Variants in NAP1L1 observed in about 807,000 individuals in gnomAD.
NAP1L1 encodes nucleosome assembly protein 1-like 1.
Under a neutral mutation model 58.9 loss-of-function variants are expected in NAP1L1, and 9 were observed. The observed-to-expected ratio is 0.15, with a 90% CI of 0.09 to 0.27. The LOEUF (loss-of-function observed/expected upper bound fraction) is 0.27, where lower values mean the gene tolerates loss of function less well. Among genes scored for constraint, NAP1L1 ranks in the 10% least tolerant of loss-of-function variants. The pLI, the probability that NAP1L1 is intolerant of heterozygous loss-of-function variation, is 1.00. For missense variants in NAP1L1, 302 were observed against 458.8 expected (o/e 0.66, Z 3.12); for synonymous variants, 130 against 138.3 (o/e 0.94, Z 0.42).
At chr12:76,078,982 CAT>C (rs200623760) in intron 1 of NAP1L1, among the ~76,000 whole-genome samples, 4 of 150,078 alleles carry the variant, frequency 2.7e-5, no homozygotes, top group Non-Finnish European at 2.9e-5. Context: ...ATAAAGAATC[CAT>C]ATATATATAT....
chr12:76,067,333 T>C lies in NAP1L1; in HGVS notation c.206+38A>G, dbSNP rs376676812. On this transcript the variant is annotated intron_variant, in intron 4 of 14. Transcript: ENST00000618691. ...AAAATAGATACGCCTGCAACGTTGA[T>C]TATAGAAAGATAAATAAGGACTATG... is the stretch of plus-strand genomic sequence containing the variant. 2.0e-6 allele frequency: 3 copies of C among 1,484,934 alleles called. No individual in the cohort carries two copies. In the African/African-American group the frequency reaches 4.2e-5, roughly 21 times the overall value. The allele number at this position is 1,484,934 out of a possible 1,614,324, so 92.0% of individuals were successfully genotyped here. A position where few individuals can be genotyped will look rare whatever the true frequency, so the allele number is the denominator to read the frequency against.
Position 76,039,368 on chromosome 12 carries a change from A to G in NAP1L1, c.*9061T>C, listed in dbSNP as rs1469488552. The G allele has an allele frequency of 1.3e-5, 2 of 152,312 alleles. No homozygotes were observed. The highest frequency in any genetic ancestry group is 4.8e-5 in the African/African-American group (2 of 41,462). 9.4% of individuals were successfully genotyped at this position (152,312 alleles called of 1,614,324 possible). A position where few individuals can be genotyped will look rare whatever the true frequency, so the allele number is the denominator to read the frequency against. On this transcript the variant is annotated 3_prime_UTR_variant, in exon 15 of 15. Coordinates refer to ENST00000618691, the MANE Select transcript of NAP1L1 (RefSeq NM_004537.7). Reference sequence around the variant, plus strand: ...CCACTTGATAATAAACCAACTTGCCAAAGACAAAAAGTAGAATGAAAGTCT... The same window carrying G: ...CCACTTGATAATAAACCAACTTGCCGAAGACAAAAAGTAGAATGAAAGTCT...
rs1335235422 is a variant in NAP1L1 at position 76,046,990 on chromosome 12, C to T, written c.*1439G>A. ...TTGGACCTTGTGAAATAGTGCATCCCTCCACTTCTATAAAAATAGGAGCCA... is the reference window on the plus strand; with the variant it reads ...TTGGACCTTGTGAAATAGTGCATCCTTCCACTTCTATAAAAATAGGAGCCA... On this transcript the variant is annotated 3_prime_UTR_variant, in exon 15 of 15. Coordinates refer to ENST00000618691, the MANE Select transcript of NAP1L1 (RefSeq NM_004537.7). 1 of 152,400 alleles carries T rather than the reference C, an allele frequency of 6.6e-6. No homozygotes were observed. The highest frequency in any genetic ancestry group is 1.5e-5 in the Non-Finnish European group (1 of 67,936). 9.4% of individuals were successfully genotyped at this position (152,400 alleles called of 1,614,324 possible). A position where few individuals can be genotyped will look rare whatever the true frequency, so the allele number is the denominator to read the frequency against.
At position 76,074,221 on chromosome 12, in the gene NAP1L1, T is replaced by C. The variant is rs1950090899; in HGVS notation, c.-2A>G. The C allele has an allele frequency of 1.3e-6, 2 of 1,597,978 alleles. No homozygotes were observed. Among genetic ancestry groups the C allele is most frequent in the Non-Finnish European group, 1.7e-6 (2 of 1,172,586 alleles). Reference sequence around the variant, plus strand: ...CACTTACTTGTCAATGTCTGCCATGTTGTAAGAACTCCAAATATCTATGGA... The same window carrying C: ...CACTTACTTGTCAATGTCTGCCATGCTGTAAGAACTCCAAATATCTATGGA... On this transcript the variant is annotated 5_prime_UTR_variant, in exon 2 of 15. Transcript: ENST00000618691.
intron 4 of NAP1L1, among the ~76,000 whole-genome samples, chr12:76,065,965 C>T (rs780978429): frequency 3.3e-5 from 5 of 149,410 alleles, no homozygotes; most frequent in Admixed American, 6.7e-5. Context: ...TGCTCAAAGA[C>T]AAACACGGGT....
At position 76,053,104 on chromosome 12, in the gene NAP1L1, T is replaced by C; in HGVS notation, c.923A>G (p.Glu308Gly). Residue 308 changes from glutamate to glycine, a missense_variant, in exon 11 of 15, where the codon GAG becomes GGG. By Grantham distance (98) the Glu-to-Gly change is moderately conservative. Coordinates refer to ENST00000618691, the MANE Select transcript of NAP1L1 (RefSeq NM_004537.7). ...AATTCAACTTACCAGATCTCCACTC[T>C]CAGGAACTGCAAAATTGAGAAAAGA... is the stretch of plus-strand genomic sequence containing the variant. ...FNFFAPPEVP[E>G]SGDLDDDAEA... 1 of 1,611,228 alleles carries C rather than the reference T, an allele frequency of 6.2e-7. No homozygotes were observed. Among genetic ancestry groups the C allele is most frequent in the Non-Finnish European group, 8.5e-7 (1 of 1,178,172 alleles).
chr12:76,050,697 G>A, intron 11 of NAP1L1, 44 bp from the exon 12 acceptor site: 1 of 1,579,202 alleles, frequency 6.3e-7, no homozygotes, highest in East Asian at 2.2e-5. Flanking sequence ...AGGAATAACT[G>A]TGTTACTTAA....
At chr12:76,075,901 C>A (rs1343797302) in intron 1 of NAP1L1, among the ~76,000 whole-genome samples, 1 of 152,126 alleles carries the variant, frequency 6.6e-6, no homozygotes, top group Admixed American at 6.5e-5. Flanking sequence ...CCATGGCTCA[C>A]ACCTGCAATC....
In NAP1L1 at chr12:76,083,557, G is replaced by A. The variant is rs187188167; in HGVS notation, c.-21+1010C>T. On this transcript the variant is annotated intron_variant, in intron 1 of 14. Coordinates refer to ENST00000618691, the MANE Select transcript of NAP1L1 (RefSeq NM_004537.7). ...CCTGGGCCGCGGGTTGGACAAGCTT[G>A]GTTTAGGGGTTTAGATCGATCAGGA... 6.0e-5 allele frequency among the ~76,000 whole-genome samples: 9 copies of A among 150,810 alleles called. No homozygotes were observed. In the East Asian group the frequency reaches 1.8e-3, roughly 29 times the overall value.
chr12:76,066,897 A>G (rs943300753), intron 4 of NAP1L1, among the ~76,000 whole-genome samples: 3 of 152,146 alleles, frequency 2.0e-5, no homozygotes, highest in Admixed American at 1.3e-4. Context: ...GGAAAAGCAG[A>G]TAATAAAACA....
chr12:76,080,174 T>A (rs143108894), intron 1 of NAP1L1, among the ~76,000 whole-genome samples: 133 of 152,322 alleles, frequency 8.7e-4, no homozygotes, highest in African/African-American at 3.1e-3. Flanking sequence ...CCCACAAGAT[T>A]ATAATGGAGC....
chr12:76,079,034 TACATC>T (rs1950301976), intron 1 of NAP1L1, among the ~76,000 whole-genome samples: 1 of 151,960 alleles, frequency 6.6e-6, no homozygotes, highest in African/African-American at 2.4e-5. Flanking sequence ...CAGCTCCGGA[TACATC>T]AGTAAAAAGG....
chr12:76,053,987 G>A (rs1322173818), intron 8 of NAP1L1, 78 bp from the exon 9 acceptor site: 1 of 1,390,738 alleles, frequency 7.2e-7, no homozygotes, highest in African/African-American at 1.6e-5. Flanking sequence ...AGCTTCATCT[G>A]TTTTTATAAA....
rs899098039 is a variant in NAP1L1, at chr12:76,036,603, T to G, written c.*11826A>C. 6.6e-6 allele frequency: 1 copy of G among 152,050 alleles called. No homozygotes were observed. The highest frequency in any genetic ancestry group is 6.5e-5 in the Admixed American group (1 of 15,272). The allele number at this position is 152,050 out of a possible 1,614,324, so 9.4% of individuals were successfully genotyped here. A position where few individuals can be genotyped will look rare whatever the true frequency, so the allele number is the denominator to read the frequency against. ...ACAGAACTTGGAAAGTTATTAAGTG[T>G]TTAATTCATAATGATTACAAAATTC... On this transcript the variant is annotated 3_prime_UTR_variant, in exon 15 of 15. Transcript: ENST00000618691.
At chr12:76,055,893 C>A in intron 7 of NAP1L1, 140 bp downstream of exon 7, 1 of 856,932 alleles carries the variant, frequency 1.2e-6, no homozygotes, top group Non-Finnish European at 1.8e-6. Flanking sequence ...GCTGTAATTT[C>A]TCTTCTACAG....
At chr12:76,082,821 C>T (rs1414865141) in intron 1 of NAP1L1, among the ~76,000 whole-genome samples, 1 of 152,094 alleles carries the variant, frequency 6.6e-6, no homozygotes. Flanking sequence ...ATATTACTTC[C>T]AAAGTATAGG....
rs1181856996 is a variant in NAP1L1 at position 76,042,537 on chromosome 12, T to C, written c.*5892A>G. 1 of 152,252 alleles carries C rather than the reference T, an allele frequency of 6.6e-6. No individual in the cohort carries two copies. The highest frequency in any genetic ancestry group is 6.5e-5 in the Admixed American group (1 of 15,276). 9.4% of individuals were successfully genotyped at this position (152,252 alleles called of 1,614,324 possible). On this transcript the variant is annotated 3_prime_UTR_variant, in exon 15 of 15. Transcript: ENST00000618691. ...CTCCATTTTTATTCATGGATTCTTA[T>C]TCCTATAGAGCAACCTCATCTACTT...
chr12:76,067,244 C>G, intron 4 of NAP1L1, 127 bp downstream of exon 4: 1 of 660,582 alleles, frequency 1.5e-6, no homozygotes, highest in East Asian at 2.6e-5. Flanking sequence ...TCTAATAATC[C>G]TATACTGGAT....
At chr12:76,082,007 C>T (rs1950424530) in intron 1 of NAP1L1, among the ~76,000 whole-genome samples, 1 of 152,150 alleles carries the variant, frequency 6.6e-6, no homozygotes, top group Admixed American at 6.5e-5. Flanking sequence ...AGATACATGT[C>T]CATACAGGTG....
Sources: allele counts gnomAD v4.1 joint callset (sites outside exome capture counted in the v4.1 genomes callset), GRCh38; gene constraint gnomAD v4.1.1; transcripts MANE v1.5; gene names NCBI Gene and HGNC (gene_info 2026-07-23, HGNC 2026-07-21).